The following IMPG2 variants were observed in gnomAD, a reference collection of about 807,000 sequenced individuals.
IMPG2 encodes interphotoreceptor matrix proteoglycan 2, also known as IPM 200.
Under a neutral mutation model 129.2 loss-of-function variants are expected in IMPG2, and 91 were observed. The observed-to-expected ratio is 0.70, with a 90% CI of 0.59 to 0.84. The LOEUF is 0.84. IMPG2 is among the 40% of genes least tolerant of loss of function. The pLI is 0.00. For missense variants in IMPG2, 1,430 were observed against 1,461.7 expected (o/e 0.98, Z 0.35); for synonymous variants, 510 against 517.7 (o/e 0.99, Z 0.20).
chr3:101,235,949 C>T (rs1706341090), intron 14 of IMPG2, among the ~76,000 whole-genome samples: 1 of 152,102 alleles, frequency 6.6e-6, no homozygotes, highest in African/African-American at 2.4e-5. Flanking sequence ...TAAGAGATGC[C>T]CTTGAGAGGG....
At chr3:101,294,700 T>C (rs374496973) in intron 3 of IMPG2, among the ~76,000 whole-genome samples, 2 of 152,330 alleles carry the variant, frequency 1.3e-5, no homozygotes, top group African/African-American at 4.8e-5. Flanking sequence ...CTAATTTTCA[T>C]TCCCACCAGC....
At position 101,320,325 on chromosome 3, in the gene IMPG2, T is replaced by C; in HGVS notation, c.48A>G (p.Ile16Met). The change falls in exon 1 of 19, where the codon ATA becomes ATG. Residue 16 changes from isoleucine (I) to methionine (M), a missense_variant. Physicochemically the swap from Ile to Met is conservative, Grantham distance 10. Coordinates refer to ENST00000193391, the MANE Select transcript of IMPG2 (RefSeq NM_016247.4). ...LFGKISLGILIFVLIEGDFPS... is the reference protein window; with the variant it reads ...LFGKISLGILMFVLIEGDFPS... ...GAAAGTCTCCTTCTATCAGGACAAA[T>C]ATCAAAATACCCAGAGAAATCTTCC... 6.2e-7 allele frequency: 1 copy of C among 1,607,354 alleles called. No individual in the cohort carries two copies. Among genetic ancestry groups the C allele is most frequent in the South Asian group, 1.1e-5 (1 of 90,916 alleles).
chr3:101,275,085 G>T (rs971285938), intron 6 of IMPG2, among the ~76,000 whole-genome samples: 2 of 150,876 alleles, frequency 1.3e-5, no homozygotes, highest in Non-Finnish European at 3.0e-5. Context: ...AACAGGATTT[G>T]TGAACCCCCT....
At chr3:101,290,667 T>G (rs1011972929) in intron 4 of IMPG2, among the ~76,000 whole-genome samples, 1 of 152,104 alleles carries the variant, frequency 6.6e-6, no homozygotes, top group Non-Finnish European at 1.5e-5. Context: ...TCCTATTCAT[T>G]TGTGTTTGAT....
Position 101,267,133 on chromosome 3 carries a change from A to G in IMPG2, c.908+378T>C, listed in dbSNP as rs146688452. 7.2e-5 allele frequency among the ~76,000 whole-genome samples: 11 copies of G among 152,328 alleles called. No individual in the cohort carries two copies. In the East Asian group the frequency reaches 2.1e-3, roughly 29 times the overall value. ...CAGCCTACTACCCAAGAGTTACTGA[A>G]TATTACATTTTTTAATAGTTGAAAA... is the stretch of plus-strand genomic sequence containing the variant. On this transcript the variant is annotated intron_variant, in intron 9 of 18. Transcript: ENST00000193391.
chr3:101,255,668 T>C (rs1007865054), intron 10 of IMPG2, among the ~76,000 whole-genome samples: 4 of 152,076 alleles, frequency 2.6e-5, no homozygotes, highest in African/African-American at 9.7e-5. Flanking sequence ...CCATATGCCA[T>C]CTCCATGGTT....
Position 101,257,146 on chromosome 3 carries a change from A to G in IMPG2, c.1153+383T>C, listed in dbSNP as rs75845176. On this transcript the variant is annotated intron_variant, in intron 10 of 18. Transcript: ENST00000193391. ...TTTCTTGAGCTCTTCCTTTTTCTCTACACTCTGATTTTTAAGCCTTTACTA... is the reference window on the plus strand; with the variant it reads ...TTTCTTGAGCTCTTCCTTTTTCTCTGCACTCTGATTTTTAAGCCTTTACTA... Among the ~76,000 whole-genome samples, 859 of 151,430 alleles carry G rather than the reference A, an allele frequency of 5.7e-3. 9 individuals are homozygous for G. The highest frequency in any genetic ancestry group is 0.02 in the African/African-American group (829 of 41,292).
chr3:101,228,686 G>T, intron 18 of IMPG2, 111 bp downstream of exon 18: 1 of 837,928 alleles, frequency 1.2e-6, no homozygotes, highest in Non-Finnish European at 2.1e-6. Flanking sequence ...GGTTATCACG[G>T]AGACTCCTGT....
chr3:101,232,776 C>A lies in IMPG2; in HGVS notation c.3233+5G>T. 6.2e-7 allele frequency: 1 copy of A among 1,612,692 alleles called. No homozygotes were observed. On this transcript the variant is annotated splice_donor_5th_base_variant and intron_variant, in intron 15 of 18. Coordinates refer to ENST00000193391, the MANE Select transcript of IMPG2 (RefSeq NM_016247.4). ...CTAAAGTCAAAATCTGTAACTACAA[C>A]ATACCTACAAATGGCCCCGTGCCCA...
At chr3:101,285,848 T>G (rs1706940699) in intron 4 of IMPG2, among the ~76,000 whole-genome samples, 1 of 152,194 alleles carries the variant, frequency 6.6e-6, no homozygotes, top group African/African-American at 2.4e-5. Context: ...GGATACATGG[T>G]GTAGTGATGA....
intron 4 of IMPG2, among the ~76,000 whole-genome samples, chr3:101,279,171 A>G (rs938392837): frequency 1.3e-5 from 2 of 152,232 alleles, no homozygotes; most frequent in Admixed American, 1.3e-4. Context: ...CAGCAAGAAT[A>G]ATTACAACTA....
intron 8 of IMPG2, 38 bp from the exon 9 acceptor site, chr3:101,267,569 G>T: frequency 6.5e-7 from 1 of 1,544,352 alleles, no homozygotes; most frequent in South Asian, 1.1e-5. Context: ...CAGAGTTTGA[G>T]ACAGTTATTA....
chr3:101,312,162 TC>T (rs1343286639), intron 2 of IMPG2, among the ~76,000 whole-genome samples: 2 of 151,892 alleles, frequency 1.3e-5, no homozygotes, highest in African/African-American at 4.8e-5. Context: ...CACCAAAGGC[TC>T]AAAAAAATAG....
At chr3:101,234,254 G>A (rs923697190) in intron 14 of IMPG2, among the ~76,000 whole-genome samples, 5 of 151,110 alleles carry the variant, frequency 3.3e-5, no homozygotes. Flanking sequence ...GAAACACACA[G>A]GAAACAAGGC....
intron 17 of IMPG2, 93 bp from the exon 18 acceptor site, chr3:101,228,969 A>C: frequency 1.1e-6 from 1 of 924,250 alleles, no homozygotes; most frequent in Non-Finnish European, 1.8e-6. Context: ...AGGAATTGTT[A>C]CATTCTGGGC....
At chr3:101,227,985 A>C (rs1706242262) in intron 18 of IMPG2, 14 of 385,412 alleles carry the variant, frequency 3.6e-5, no homozygotes, top group Middle Eastern at 3.7e-4. Flanking sequence ...TTTCTCTTCT[A>C]AAAGCCAAGC....
intron 3 of IMPG2, among the ~76,000 whole-genome samples, chr3:101,295,137 G>A (rs112388661): frequency 5.3e-5 from 8 of 152,220 alleles, no homozygotes; most frequent in South Asian, 4.1e-4. Context: ...TAGCATTTTC[G>A]TCATGAAGTC....
chr3:101,302,361 G>A (rs962252098), intron 3 of IMPG2, among the ~76,000 whole-genome samples: 1 of 152,080 alleles, frequency 6.6e-6, no homozygotes, highest in Non-Finnish European at 1.5e-5. Context: ...AATTAAGATA[G>A]GCAATGCAAT....
chr3:101,258,141 T>C (rs1188687986), intron 9 of IMPG2, among the ~76,000 whole-genome samples: 1 of 152,094 alleles, frequency 6.6e-6, no homozygotes, highest in Non-Finnish European at 1.5e-5. Context: ...CCCTAATTTT[T>C]AAAAACAGTC....
Sources: allele counts gnomAD v4.1 joint callset (sites outside exome capture counted in the v4.1 genomes callset), GRCh38; gene constraint gnomAD v4.1.1; transcripts MANE v1.5; gene names NCBI Gene and HGNC (gene_info 2026-07-23, HGNC 2026-07-21).